The following PROS1 variants were observed in gnomAD, a reference collection of about 807,000 sequenced individuals.
PROS1 encodes the protein protein S, also known as vitamin K-dependent protein S.
A neutral mutation model predicts 75.9 loss-of-function variants in PROS1; 29 were observed. The ratio of observed to expected loss-of-function variants is 0.38; its 90% confidence interval spans 0.28 to 0.52. The LOEUF is 0.52. Among genes scored for constraint, PROS1 ranks in the 20% least tolerant of loss-of-function variants. The pLI, the probability that PROS1 is intolerant of heterozygous loss-of-function variation, is 0.83. For synonymous variants in PROS1, 245 were observed against 280.6 expected (o/e 0.87, Z 1.27); for missense variants, 680 against 810.3 (o/e 0.84, Z 1.95).
Position 93,928,011 on chromosome 3 carries a change from A to ATATATTTT in PROS1, c.77-605_77-604insAAAATATA, listed in dbSNP as rs1235149837. ...TGTGTGTGTATATATATATATATATATTTTTTTTTTTTTTTTTTTTTGAGA... is the reference window on the plus strand; with the variant it reads ...TGTGTGTGTATATATATATATATATATATATTTTTTTTTTTTTTTTTTTTTTTTTGAGA... On this transcript the variant is annotated intron_variant, in intron 1 of 14. Coordinates refer to ENST00000394236, the MANE Select transcript of PROS1 (RefSeq NM_000313.4). 5.6e-4 allele frequency among the ~76,000 whole-genome samples: 25 copies of ATATATTTT among 44,456 alleles called. 2 individuals carry two copies. Among genetic ancestry groups the ATATATTTT allele is most frequent in the African/African-American group, 1.9e-3 (21 of 10,812 alleles). The allele number at this position is 44,456 out of a possible 152,430, so 29.2% of individuals were successfully genotyped here.
At chr3:93,947,147 T>C (rs1249808588) in intron 1 of PROS1, among the ~76,000 whole-genome samples, 1 of 152,084 alleles carries the variant, frequency 6.6e-6, no homozygotes, top group African/African-American at 2.4e-5. Context: ...AGAATGGCAA[T>C]CATTACAAAG....
intron 1 of PROS1, among the ~76,000 whole-genome samples, chr3:93,939,819 G>A (rs1003309635): frequency 1.4e-4 from 21 of 152,000 alleles, no homozygotes; most frequent in Non-Finnish European, 2.1e-4. Context: ...TACCCAATCC[G>A]CTCCCGACAT....
At chr3:93,940,289 G>C (rs377323107) in intron 1 of PROS1, among the ~76,000 whole-genome samples, 1 of 152,132 alleles carries the variant, frequency 6.6e-6, no homozygotes, top group African/African-American at 2.4e-5. Flanking sequence ...GACACTGCCC[G>C]ATTGCCTCGG....
At chr3:93,970,569 C>T (rs1282163216) in intron 1 of PROS1, among the ~76,000 whole-genome samples, 1 of 151,986 alleles carries the variant, frequency 6.6e-6, no homozygotes, top group African/African-American at 2.4e-5. Flanking sequence ...TCTTGAACTC[C>T]TGGCTTCACG....
At chr3:93,954,497 T>C (rs1036018674) in intron 1 of PROS1, among the ~76,000 whole-genome samples, 3 of 152,082 alleles carry the variant, frequency 2.0e-5, no homozygotes, top group African/African-American at 7.2e-5. Context: ...ATTTAATAAA[T>C]AGTGCCGGGA....
intron 1 of PROS1, among the ~76,000 whole-genome samples, chr3:93,967,119 T>A (rs1709803713): frequency 6.6e-6 from 1 of 152,202 alleles, no homozygotes; most frequent in Non-Finnish European, 1.5e-5. Context: ...ACATGAACTT[T>A]CCTTCACTAA....
Position 93,922,853 on chromosome 3 carries a change from A to T in PROS1, c.259+1387T>A, listed in dbSNP as rs188448506. Among the ~76,000 whole-genome samples, 960 of 152,164 alleles carry T rather than the reference A, an allele frequency of 6.3e-3. 9 individuals are homozygous for T. Among genetic ancestry groups the T allele is most frequent in the African/African-American group, 0.021 (886 of 41,518 alleles). On this transcript the variant is annotated intron_variant, in intron 3 of 14. Coordinates refer to ENST00000394236, the MANE Select transcript of PROS1 (RefSeq NM_000313.4). ...AAGACCAAAATATGAAATTTAAATT[A>T]AAAAAAATCATAATAAAAAGTATAT...
intron 3 of PROS1, among the ~76,000 whole-genome samples, chr3:93,913,154 G>A (rs1185818837): frequency 6.6e-6 from 1 of 152,094 alleles, no homozygotes; most frequent in East Asian, 1.9e-4. Flanking sequence ...CATGAGATCT[G>A]ATTATTACTA....
In PROS1 at chr3:93,874,158, C is replaced by T; in HGVS notation, c.*87G>A. The T allele has an allele frequency of 2.7e-6, 4 of 1,461,126 alleles. No individual in the cohort carries two copies. Among genetic ancestry groups the T allele is most frequent in the Non-Finnish European group, 3.8e-6 (4 of 1,046,330 alleles). The allele number at this position is 1,461,126 out of a possible 1,614,324, so 90.5% of individuals were successfully genotyped here. A position where few individuals can be genotyped will look rare whatever the true frequency, so the allele number is the denominator to read the frequency against. Reference sequence around the variant, plus strand: ...GACCACAAAATAATCAAAGACTGCACATTGTAAATAAAACCCTTCAGCTGT... The same window carrying T: ...GACCACAAAATAATCAAAGACTGCATATTGTAAATAAAACCCTTCAGCTGT... On this transcript the variant is annotated 3_prime_UTR_variant, in exon 15 of 15. Coordinates refer to ENST00000394236, the MANE Select transcript of PROS1 (RefSeq NM_000313.4).
intron 2 of PROS1, among the ~76,000 whole-genome samples, chr3:93,925,729 C>G (rs546336071): frequency 6.8e-6 from 1 of 147,182 alleles, no homozygotes; most frequent in East Asian, 2.1e-4. Flanking sequence ...GAGGCTGAGA[C>G]GGGAGGATTG....
At chr3:93,973,276 T>TG (rs1709908640) in intron 1 of PROS1, among the ~76,000 whole-genome samples, 1 of 152,116 alleles carries the variant, frequency 6.6e-6, no homozygotes, top group Non-Finnish European at 1.5e-5. Context: ...GGGTGCAGGT[T>TG]GGGGGCAGGC....
intron 10 of PROS1, among the ~76,000 whole-genome samples, chr3:93,891,139 A>G (rs944270729): frequency 1.3e-5 from 2 of 152,032 alleles, no homozygotes; most frequent in African/African-American, 4.8e-5. Flanking sequence ...TAAATAAATA[A>G]CATAAATAAA....
chr3:93,910,432 G>A lies in PROS1; in HGVS notation c.346+187C>T, dbSNP rs182127066. Among the ~76,000 whole-genome samples, 56 of 152,284 alleles carry A rather than the reference G, an allele frequency of 3.7e-4. No individual in the cohort carries two copies. The South Asian group carries it at 0.011, about 30-fold the overall frequency. On this transcript the variant is annotated intron_variant, in intron 4 of 14. Coordinates refer to ENST00000394236, the MANE Select transcript of PROS1 (RefSeq NM_000313.4). The stretch of plus-strand genomic sequence containing the variant: ...CATTAGGCAAAAAAATTCATTTTGA[G>A]TAATACAGGAGCATTTACAACTATA...
Position 93,873,840 on chromosome 3 carries a change from T to G in PROS1, c.*405A>C, listed in dbSNP as rs1446580168. 2 of 199,694 alleles carry G rather than the reference T, an allele frequency of 1.0e-5. No homozygotes were observed. The allele number at this position is 199,694 out of a possible 1,614,324, so 12.4% of individuals were successfully genotyped here. On this transcript the variant is annotated 3_prime_UTR_variant, in exon 15 of 15. Transcript: ENST00000394236. ...GAAAAAAACAAAAACATAAACAAAA[T>G]AGTATCTGCCTATGATTAATAGTAT...
intron 1 of PROS1, among the ~76,000 whole-genome samples, chr3:93,939,824 C>T (rs1057223106): frequency 7.2e-5 from 11 of 152,142 alleles, no homozygotes; most frequent in Admixed American, 5.9e-4. Flanking sequence ...AATCCGCTCC[C>T]GACATTAGAA....
intron 1 of PROS1, among the ~76,000 whole-genome samples, chr3:93,971,572 C>A (rs1217504620): frequency 6.7e-6 from 1 of 150,202 alleles, no homozygotes; most frequent in South Asian, 2.1e-4. Context: ...TCAAGACCAG[C>A]CTAGGCAATA....
intron 3 of PROS1, among the ~76,000 whole-genome samples, chr3:93,917,666 G>A (rs867801717): frequency 5.9e-5 from 9 of 152,108 alleles, no homozygotes; most frequent in African/African-American, 1.7e-4. Flanking sequence ...TGGGCTTGGC[G>A]GGCCGGCACT....
intron 1 of PROS1, among the ~76,000 whole-genome samples, chr3:93,936,190 G>A (rs1165112151): frequency 6.6e-6 from 1 of 151,412 alleles, no homozygotes; most frequent in Non-Finnish European, 1.5e-5. Context: ...ATTAAGACTA[G>A]ATGGGGTCAT....
chr3:93,887,109 G>A (rs1331764060), intron 10 of PROS1, among the ~76,000 whole-genome samples: 2 of 151,592 alleles, frequency 1.3e-5, no homozygotes, highest in Non-Finnish European at 2.9e-5. Flanking sequence ...TAGTAGAGAC[G>A]GGGTTTCACC....
Sources: allele counts gnomAD v4.1 joint callset (sites outside exome capture counted in the v4.1 genomes callset), GRCh38; gene constraint gnomAD v4.1.1; transcripts MANE v1.5; gene names NCBI Gene and HGNC (gene_info 2026-07-23, HGNC 2026-07-21).